The following SNRPC variants were observed in gnomAD, a reference collection of about 807,000 sequenced individuals.
SNRPC encodes U1 small nuclear ribonucleoprotein C.
Under a neutral mutation model 20.0 loss-of-function variants are expected in SNRPC, and 5 were observed. The observed-to-expected ratio is 0.25, with a 90% CI of 0.13 to 0.53. The LOEUF (loss-of-function observed/expected upper bound fraction) is 0.53. Among genes scored for constraint, SNRPC ranks in the 20% least tolerant of loss-of-function variants. SNRPC has a pLI of 0.96. For missense variants in SNRPC, 112 were observed against 224.1 expected (o/e 0.50, Z 3.19); for synonymous variants, 61 against 58.7 (o/e 1.04, Z -0.18).
intron 4 of SNRPC, among the ~76,000 whole-genome samples, chr6:34,769,974 G>A (rs1764665770): frequency 6.6e-6 from 1 of 152,180 alleles, no homozygotes; most frequent in South Asian, 2.1e-4. Flanking sequence ...TGTAATCCTA[G>A]CACTTTGGGA....
intron 5 of SNRPC, 21 bp downstream of exon 5, chr6:34,770,416 T>C: frequency 6.8e-7 from 1 of 1,468,302 alleles, no homozygotes; most frequent in South Asian, 1.1e-5. Context: ...ATGTCTGTCT[T>C]TCTAGTTTGT....
chr6:34,757,604 C>G, intron 1 of SNRPC, 53 bp downstream of exon 1: 1 of 1,581,190 alleles, frequency 6.3e-7, no homozygotes, highest in Non-Finnish European at 8.7e-7. Context: ...TTGTGGCCCC[C>G]ATGCAGGAGC....
At chr6:34,769,432 A>T (rs1032825406) in intron 4 of SNRPC, among the ~76,000 whole-genome samples, 1 of 151,822 alleles carries the variant, frequency 6.6e-6, no homozygotes, top group African/African-American at 2.4e-5. Context: ...ACCTCCTGTG[A>T]TCTGCCCGCC....
At chr6:34,770,255 G>A (rs1474460783) in intron 4 of SNRPC, 36 bp from the exon 5 acceptor site, 1 of 1,364,610 alleles carries the variant, frequency 7.3e-7, no homozygotes, top group East Asian at 2.3e-5. Context: ...TAATATGTGA[G>A]CACACCTTAA....
Position 34,757,731 on chromosome 6 carries a change from C to T in SNRPC, c.8+180C>T, listed in dbSNP as rs569156785. ...CCCATTTTAGAGTGCAGATGGATCC[C>T]GCTTAAGGCAACAAAAAAAAGCCTG... On this transcript the variant is annotated intron_variant, in intron 1 of 5. Transcript: ENST00000244520. The T allele has an allele frequency of 1.4e-5, 21 of 1,493,912 alleles. No homozygotes were observed. In the African/African-American group the frequency reaches 1.7e-4, roughly 12 times the overall value. 92.5% of individuals were successfully genotyped at this position (1,493,912 alleles called of 1,614,324 possible).
rs780997050 is a variant in SNRPC, at chr6:34,773,618, C to T, written c.*48C>T. ...TATCGGTTTTATATTACCTGTTCTG[C>T]TTCACCAGGAGATCATGCTGCTGTG... is the stretch of plus-strand genomic sequence containing the variant. On this transcript the variant is annotated 3_prime_UTR_variant, in exon 6 of 6. Transcript: ENST00000244520. The surrounding 1 kb of genome is among the most constrained non-coding windows in gnomAD (Gnocchi z 4.1). The T allele has an allele frequency of 3.8e-6, 6 of 1,562,804 alleles. No individual in the cohort carries two copies. In the South Asian group the frequency reaches 6.7e-5, roughly 18 times the overall value.
At chr6:34,765,615 T>G (rs577816839) in intron 3 of SNRPC, among the ~76,000 whole-genome samples, 1 of 151,800 alleles carries the variant, frequency 6.6e-6, no homozygotes, top group East Asian at 1.9e-4. Context: ...TTTTTTGTAT[T>G]TTTGGTAGAA....
At chr6:34,760,006 ATTCT>A (rs1462585287) in intron 2 of SNRPC, among the ~76,000 whole-genome samples, 1 of 152,134 alleles carries the variant, frequency 6.6e-6, no homozygotes, top group African/African-American at 2.4e-5. Flanking sequence ...CTTATTTGAA[ATTCT>A]TTCTAACATA....
chr6:34,757,919 T>C lies in SNRPC; in HGVS notation c.16T>C (p.Cys6Arg). The change falls in exon 2 of 6, where the codon TGT (cysteine) becomes CGT (arginine). Residue 6 changes from cysteine to arginine, a missense_variant. Around this residue, in one of 3 missense-constraint regions of SNRPC, gnomAD observed 10 missense variants for 54.5 expected, o/e 0.18. Coordinates refer to ENST00000244520, the MANE Select transcript of SNRPC (RefSeq NM_003093.3). ...CCTTTCACCTCTTTTCAGGTTTTATTGTGACTACTGCGATACATACCTCAC... is the reference window on the plus strand; with the variant it reads ...CCTTTCACCTCTTTTCAGGTTTTATCGTGACTACTGCGATACATACCTCAC... MPKFYCDYCDTYLTHD... is the reference protein window; with the variant it reads MPKFYRDYCDTYLTHD... The C allele has an allele frequency of 6.2e-7, 1 of 1,613,718 alleles. No individual in the cohort carries two copies. Among genetic ancestry groups the C allele is most frequent in the Non-Finnish European group, 8.5e-7 (1 of 1,180,034 alleles).
intron 2 of SNRPC, among the ~76,000 whole-genome samples, chr6:34,758,844 C>T (rs1256225979): frequency 1.3e-5 from 2 of 151,440 alleles, no homozygotes; most frequent in African/African-American, 4.9e-5. Context: ...GAAACCCCGT[C>T]TCTACTAAAA....
intron 5 of SNRPC, 110 bp downstream of exon 5, chr6:34,770,505 G>T: frequency 1.5e-6 from 1 of 678,408 alleles, no homozygotes. Context: ...TTGAAAATGG[G>T]GAGTTGTGCT....
intron 3 of SNRPC, among the ~76,000 whole-genome samples, chr6:34,764,424 C>T (rs560380310): frequency 1.1e-4 from 16 of 148,764 alleles, no homozygotes; most frequent in South Asian, 2.2e-4. Flanking sequence ...TGGGTTGAGC[C>T]GAGATCGCGC....
intron 2 of SNRPC, among the ~76,000 whole-genome samples, chr6:34,761,513 A>ATTTT (rs869059984): frequency 1.8e-3 from 158 of 85,640 alleles, no homozygotes; most frequent in Non-Finnish European, 2.4e-3. Context: ...ACAAGGAACA[A>ATTTT]TTTTTTTTTT....
intron 2 of SNRPC, 54 bp from the exon 3 acceptor site, chr6:34,762,541 T>G: frequency 2.1e-6 from 2 of 935,820 alleles, no homozygotes; most frequent in East Asian, 2.5e-5. Flanking sequence ...CTTTATTAAA[T>G]TTTTAGTGTT....
At chr6:34,762,489 A>G (rs563791054) in intron 2 of SNRPC, 106 bp from the exon 3 acceptor site, 516 of 622,268 alleles carry the variant, frequency 8.3e-4, no homozygotes, top group Non-Finnish European at 1.3e-3. Context: ...GCAGCCAGCT[A>G]ATGCTGCTGA....
intron 2 of SNRPC, among the ~76,000 whole-genome samples, chr6:34,758,215 C>T (rs1423594945): frequency 1.3e-5 from 2 of 152,064 alleles, no homozygotes; most frequent in Non-Finnish European, 2.9e-5. Context: ...GAGGTCCAGG[C>T]TGCAGTGAGG....
intron 5 of SNRPC, among the ~76,000 whole-genome samples, chr6:34,771,162 A>T (rs1764685436): frequency 6.6e-6 from 1 of 151,924 alleles, no homozygotes; most frequent in Non-Finnish European, 1.5e-5. Flanking sequence ...CCCCATCTCT[A>T]CTTAAAAATA....
At chr6:34,769,953 T>C (rs1764665568) in intron 4 of SNRPC, among the ~76,000 whole-genome samples, 1 of 152,240 alleles carries the variant, frequency 6.6e-6, no homozygotes, top group Non-Finnish European at 1.5e-5. Flanking sequence ...CTGGGCGCAG[T>C]GGCTCACGCC....
At chr6:34,764,258 T>A (rs1352018289) in intron 3 of SNRPC, among the ~76,000 whole-genome samples, 1 of 151,300 alleles carries the variant, frequency 6.6e-6, no homozygotes. Flanking sequence ...GGCGGGTGGA[T>A]CACCTGAAGT....
Sources: gnomAD v4.1 joint callset for allele counts (sites outside exome capture counted in the v4.1 genomes callset) on GRCh38, gnomAD v4.1.1 for gene constraint, gnomAD v4.1.1 regional missense constraint, Gnocchi (gnomAD v3.1) non-coding constraint, MANE v1.5 for transcripts, NCBI Gene and HGNC (gene_info 2026-07-23, HGNC 2026-07-21) for gene names.